The following ALOX5AP variants were observed in gnomAD, a reference collection of about 807,000 sequenced individuals.
ALOX5AP encodes arachidonate 5-lipoxygenase-activating protein.
Under a neutral mutation model 18.5 loss-of-function variants are expected in ALOX5AP, and 9 were observed. That is an observed-to-expected ratio of 0.49 (90% CI 0.29 to 0.85). ALOX5AP has a LOEUF of 0.85. Ranked by LOEUF, ALOX5AP falls within the 40% of genes least tolerant of loss-of-function variation. The pLI is 0.08. For synonymous variants in ALOX5AP, 81 were observed against 78.6 expected, an observed-to-expected ratio of 1.03 and a Z score of -0.16; for missense variants, 172 against 202.5, an observed-to-expected ratio of 0.85 and a Z score of 0.91.
intron 4 of ALOX5AP, among the ~76,000 whole-genome samples, chr13:30,760,746 C>T (rs1429805501): frequency 5.3e-5 from 8 of 152,138 alleles, no homozygotes; most frequent in African/African-American, 1.2e-4. Flanking sequence ...GTTTACAATA[C>T]GCCCCCATAG....
At chr13:30,749,338 G>A (rs942104857) in intron 2 of ALOX5AP, among the ~76,000 whole-genome samples, 2 of 152,158 alleles carry the variant, frequency 1.3e-5, no homozygotes, top group South Asian at 2.1e-4. Flanking sequence ...ATGAGAAAGA[G>A]AAGGAAGCAG....
intron 3 of ALOX5AP, among the ~76,000 whole-genome samples, chr13:30,753,486 G>T (rs4516062): frequency 0.25 from 38,581 of 152,098 alleles, 5,476 homozygotes; most frequent in Non-Finnish European, 0.32. Context: ...CCTGGAAATA[G>T]GTATTTCCTG....
At chr13:30,725,836 C>T (rs1165954015) in intron 1 of ALOX5AP, among the ~76,000 whole-genome samples, 1 of 152,154 alleles carries the variant, frequency 6.6e-6, no homozygotes, top group African/African-American at 2.4e-5. Context: ...GCTTCACTGG[C>T]CTCACAGTGA....
At chr13:30,726,269 C>T (rs1951638906) in intron 1 of ALOX5AP, among the ~76,000 whole-genome samples, 2 of 152,066 alleles carry the variant, frequency 1.3e-5, no homozygotes, top group Admixed American at 6.5e-5. Context: ...TCCTAATTAC[C>T]AAGGAGAAAT....
intron 2 of ALOX5AP, chr13:30,744,377 G>A (rs565504880): frequency 5.8e-4 from 281 of 486,032 alleles, no homozygotes; most frequent in Middle Eastern, 1.1e-3. Flanking sequence ...GGGATATGGG[G>A]CACATTGGTG....
Position 30,756,005 on chromosome 13 carries a change from C to T in ALOX5AP, c.303C>T (p.Tyr101=). 6.2e-7 allele frequency: 1 copy of T among 1,614,080 alleles called. No homozygotes were observed. The highest frequency in any genetic ancestry group is 8.5e-7 in the Non-Finnish European group (1 of 1,179,954). The change falls in exon 4 of 5, where the codon TAC becomes TAT. Residue 101 remains tyrosine (Y), a synonymous_variant. Transcript: ENST00000380490. ...TGAGGCAAAAGTACTTTGTCGGTTA[C>T]CTAGGAGAGAGAACGCAGAGGTAGG... is the stretch of plus-strand genomic sequence containing the variant. ...LFVRQKYFVG[Y]LGERTQSTPG...
At chr13:30,721,606 C>A (rs1016800251) in intron 1 of ALOX5AP, among the ~76,000 whole-genome samples, 1 of 152,186 alleles carries the variant, frequency 6.6e-6, no homozygotes, top group Non-Finnish European at 1.5e-5. Context: ...CCCAGCTGCT[C>A]TCCCTGTCTC....
chr13:30,748,878 C>T (rs1284206863), intron 2 of ALOX5AP, among the ~76,000 whole-genome samples: 1 of 152,220 alleles, frequency 6.6e-6, no homozygotes, highest in African/African-American at 2.4e-5. Flanking sequence ...TGGGCCCAGA[C>T]CATGTGAACT....
chr13:30,746,890 T>C (rs2137816448), intron 2 of ALOX5AP, among the ~76,000 whole-genome samples: 1 of 152,300 alleles, frequency 6.6e-6, no homozygotes, highest in Non-Finnish European at 1.5e-5. Context: ...TTAGGGACCA[T>C]GGCTATCAAG....
At chr13:30,726,850 C>T (rs1198447677) in intron 1 of ALOX5AP, among the ~76,000 whole-genome samples, 1 of 151,950 alleles carries the variant, frequency 6.6e-6, no homozygotes, top group African/African-American at 2.4e-5. Flanking sequence ...TTTCCTATTC[C>T]TCTACTTAAT....
intron 1 of ALOX5AP, among the ~76,000 whole-genome samples, chr13:30,739,496 G>A (rs1376399384): frequency 6.6e-6 from 1 of 152,164 alleles, no homozygotes; most frequent in South Asian, 2.1e-4. Context: ...GTGCAGTAGC[G>A]CAATCTCAGC....
Position 30,720,273 on chromosome 13 carries a change from G to C in ALOX5AP, c.116+6432G>C, listed in dbSNP as rs189424554. ...TGCTATGGATTACTTAAACCCTCTGGCTACCTAGAAAGATCTTTAAGTGGT... is the reference window on the plus strand; with the variant it reads ...TGCTATGGATTACTTAAACCCTCTGCCTACCTAGAAAGATCTTTAAGTGGT... On this transcript the variant is annotated intron_variant, in intron 1 of 5. Transcript: ENST00000617770. Among the ~76,000 whole-genome samples the C allele has an allele frequency of 2.0e-5, 3 of 152,270 alleles. No individual in the cohort carries two copies. The East Asian group carries it at 5.8e-4, about 29-fold the overall frequency.
chr13:30,741,831 G>GTTTTTTTTTT (rs770976174), intron 1 of ALOX5AP, among the ~76,000 whole-genome samples: 2 of 133,938 alleles, frequency 1.5e-5, no homozygotes, highest in African/African-American at 2.8e-5. Flanking sequence ...ATGGTTTTCT[G>GTTTTTTTTTT]TTTTTTTTTT....
intron 1 of ALOX5AP, among the ~76,000 whole-genome samples, chr13:30,728,461 A>G (rs950625821): frequency 6.6e-6 from 1 of 152,170 alleles, no homozygotes; most frequent in African/African-American, 2.4e-5. Context: ...ATGTCTGTGT[A>G]TATATATTTA....
chr13:30,726,754 A>C (rs68031060), intron 1 of ALOX5AP, among the ~76,000 whole-genome samples: 21,004 of 151,384 alleles, frequency 0.14, 1,470 homozygotes, highest in South Asian at 0.21. Flanking sequence ...CTGGTCTTGA[A>C]CTCCTGGGCT....
intron 2 of ALOX5AP, among the ~76,000 whole-genome samples, chr13:30,749,468 C>T (rs989881378): frequency 2.0e-5 from 3 of 152,204 alleles, no homozygotes; most frequent in African/African-American, 7.2e-5. Flanking sequence ...GTTTCTTGAA[C>T]TGGAAAATGA....
intron 2 of ALOX5AP, among the ~76,000 whole-genome samples, chr13:30,751,603 T>G (rs1211715427): frequency 6.6e-6 from 1 of 152,226 alleles, no homozygotes; most frequent in Non-Finnish European, 1.5e-5. Flanking sequence ...ATCACCCTTC[T>G]TTGCTCAGCC....
intron 4 of ALOX5AP, among the ~76,000 whole-genome samples, chr13:30,756,879 A>T (rs17074975): frequency 0.078 from 11,725 of 150,588 alleles, 715 homozygotes; most frequent in African/African-American, 0.16. Flanking sequence ...TAGCATCACC[A>T]TTGCATTGTT....
chr13:30,744,157 C>A lies in ALOX5AP; in HGVS notation c.168C>A (p.Ala56=). 6.2e-7 allele frequency: 1 copy of A among 1,613,654 alleles called. No homozygotes were observed. The highest frequency in any genetic ancestry group is 8.5e-7 in the Non-Finnish European group (1 of 1,179,676). The change falls in exon 2 of 5, where the codon GCC becomes GCA. Residue 56 remains alanine (A), a splice_region_variant and synonymous_variant. Transcript: ENST00000380490. ...TTGCCTTTGAGCGGGTCTACACTGC[C>A]AAGTGAGTCCTAACCCTGATGTTGC... is the stretch of plus-strand genomic sequence containing the variant. The part of the protein sequence containing the change: ...GTLAFERVYT[A]NQNCVDAYPT...
Sources: gnomAD v4.1 joint callset for allele counts (sites outside exome capture counted in the v4.1 genomes callset) on GRCh38, gnomAD v4.1.1 for gene constraint, MANE v1.5 for transcripts, NCBI Gene and HGNC (gene_info 2026-07-23, HGNC 2026-07-21) for gene names.